The following NT5C2 variants were observed in gnomAD, a reference collection of about 807,000 sequenced individuals.
NT5C2 encodes 5'-nucleotidase, cytosolic II.
Under a neutral mutation model 76.1 loss-of-function variants are expected in NT5C2, and 58 were observed. The observed-to-expected ratio is 0.76, with a 90% confidence interval of 0.62 to 0.95. The LOEUF (loss-of-function observed/expected upper bound fraction) is 0.95, where lower values mean the gene tolerates loss of function less well. Ranked by LOEUF, NT5C2 falls within the 40% of genes least tolerant of loss-of-function variation. NT5C2 has a pLI of 0.00. For missense variants in NT5C2, 478 were observed against 690.3 expected (o/e 0.69, Z 3.45); for synonymous variants, 229 against 237.4 (o/e 0.96, Z 0.32).
chr10:103,141,578 A>C (rs1365174207), intron 3 of NT5C2, among the ~76,000 whole-genome samples: 1 of 152,232 alleles, frequency 6.6e-6, no homozygotes, highest in Admixed American at 6.5e-5. Flanking sequence ...TGGCATTAAA[A>C]ATGCCATGTA....
At chr10:103,169,844 T>C (rs1454423396) in intron 3 of NT5C2, among the ~76,000 whole-genome samples, 1 of 151,796 alleles carries the variant, frequency 6.6e-6, no homozygotes, top group African/African-American at 2.4e-5. Flanking sequence ...TTACCAAGCA[T>C]GGCTAGGCAT....
chr10:103,138,401 GGT>G (rs2079716028), intron 4 of NT5C2, among the ~76,000 whole-genome samples: 1 of 152,130 alleles, frequency 6.6e-6, no homozygotes, highest in Non-Finnish European at 1.5e-5. Flanking sequence ...GCATGCGTTA[GGT>G]ATTTGTCCTA....
At chr10:103,161,297 C>T (rs1456404134) in intron 3 of NT5C2, among the ~76,000 whole-genome samples, 1 of 152,098 alleles carries the variant, frequency 6.6e-6, no homozygotes, top group Non-Finnish European at 1.5e-5. Flanking sequence ...CCCACCTCAG[C>T]CTCTTGAATA....
intron 1 of NT5C2, among the ~76,000 whole-genome samples, chr10:103,183,025 C>T (rs2091357288): frequency 6.6e-6 from 1 of 151,856 alleles, no homozygotes. Context: ...TAGCCACAGA[C>T]CAACTTACTT....
At chr10:103,156,529 C>T (rs996001759) in intron 3 of NT5C2, among the ~76,000 whole-genome samples, 2 of 151,490 alleles carry the variant, frequency 1.3e-5, no homozygotes, top group East Asian at 1.9e-4. Flanking sequence ...CCGAGGCGGG[C>T]GGATCACCTG....
intron 3 of NT5C2, among the ~76,000 whole-genome samples, chr10:103,141,787 A>G (rs1410831421): frequency 1.3e-5 from 2 of 152,248 alleles, no homozygotes; most frequent in Admixed American, 1.3e-4. Flanking sequence ...CTGTGATTGA[A>G]CAAAAGACTG....
intron 2 of NT5C2, among the ~76,000 whole-genome samples, chr10:103,177,821 C>G (rs1369301407): frequency 6.6e-6 from 1 of 152,156 alleles, no homozygotes; most frequent in South Asian, 2.1e-4. Context: ...AAATTGGCCA[C>G]TTTAAAGTGA....
At chr10:103,128,187 T>C (rs1017760970) in intron 4 of NT5C2, among the ~76,000 whole-genome samples, 2 of 145,146 alleles carry the variant, frequency 1.4e-5, no homozygotes, top group South Asian at 5.1e-4. Flanking sequence ...CTGATTCTCC[T>C]GCCTCAGCCT....
chr10:103,097,210 T>G (rs1400039436), intron 11 of NT5C2, 81 bp downstream of exon 11: 1 of 1,076,078 alleles, frequency 9.3e-7, no homozygotes, highest in Non-Finnish European at 1.4e-6. Flanking sequence ...TTAATAAACT[T>G]CTATCTTCCT....
chr10:103,166,555 T>C (rs962804545), intron 3 of NT5C2, among the ~76,000 whole-genome samples: 1 of 152,204 alleles, frequency 6.6e-6, no homozygotes, highest in Non-Finnish European at 1.5e-5. Context: ...CCTAAATTCT[T>C]ACCTGTCATT....
chr10:103,154,796 T>C (rs949011366), intron 3 of NT5C2, among the ~76,000 whole-genome samples: 5 of 152,212 alleles, frequency 3.3e-5, no homozygotes, highest in East Asian at 3.8e-4. Flanking sequence ...AGGATTTCCA[T>C]TGACTATCCT....
intron 3 of NT5C2, among the ~76,000 whole-genome samples, chr10:103,167,192 T>G (rs1248116298): frequency 6.6e-6 from 1 of 151,716 alleles, no homozygotes; most frequent in Non-Finnish European, 1.5e-5. Context: ...ATTTTTGTAT[T>G]CTTTAAGTAG....
intron 3 of NT5C2, among the ~76,000 whole-genome samples, chr10:103,170,610 C>A (rs1303288770): frequency 6.6e-6 from 1 of 150,394 alleles, no homozygotes; most frequent in Admixed American, 6.7e-5. Flanking sequence ...ACAGCGTCCA[C>A]CTCTCAGACG....
chr10:103,179,645 T>G, intron 2 of NT5C2, among the ~76,000 whole-genome samples: 1 of 152,210 alleles, frequency 6.6e-6, no homozygotes, highest in African/African-American at 2.4e-5. Context: ...GAGGCTGCAG[T>G]GAGCTATAAT....
chr10:103,176,007 T>C, intron 2 of NT5C2: 1 of 171,414 alleles, frequency 5.8e-6, no homozygotes, highest in Non-Finnish European at 1.3e-5. Context: ...AGGGTAATGC[T>C]GCCTCAGAAG....
intron 3 of NT5C2, among the ~76,000 whole-genome samples, chr10:103,144,056 A>G (rs915667449): frequency 2.0e-5 from 3 of 152,188 alleles, no homozygotes; most frequent in Non-Finnish European, 4.4e-5. Context: ...AAAAGCATCT[A>G]CTTTATTATA....
At chr10:103,104,847 A>G (rs369369443) in intron 6 of NT5C2, among the ~76,000 whole-genome samples, 14 of 152,322 alleles carry the variant, frequency 9.2e-5, no homozygotes, top group African/African-American at 3.1e-4. Flanking sequence ...TGTTTTTCCT[A>G]TTCTGCCATC....
At chr10:103,137,253 A>C (rs572524199) in intron 4 of NT5C2, among the ~76,000 whole-genome samples, 1 of 152,192 alleles carries the variant, frequency 6.6e-6, no homozygotes, top group Non-Finnish European at 1.5e-5. Flanking sequence ...CAAGATCTAC[A>C]TTGGGAAAGT....
intron 2 of NT5C2, among the ~76,000 whole-genome samples, chr10:103,179,504 G>A (rs2090688644): frequency 6.6e-6 from 1 of 151,948 alleles, no homozygotes; most frequent in Non-Finnish European, 1.5e-5. Flanking sequence ...CTGCACCCAA[G>A]TAGCTGGGAT....
Sources: gnomAD v4.1 joint callset for allele counts (sites outside exome capture counted in the v4.1 genomes callset) on GRCh38, gnomAD v4.1.1 for gene constraint, MANE v1.5 for transcripts, NCBI Gene and HGNC (gene_info 2026-07-23, HGNC 2026-07-21) for gene names.